The following ITPR2 variants were observed in gnomAD, a reference collection of about 807,000 sequenced individuals.
The protein encoded by ITPR2 is inositol 1,4,5-trisphosphate-gated calcium channel ITPR2.
Under a neutral mutation model 317.1 loss-of-function variants are expected in ITPR2, and 207 were observed. The observed-to-expected ratio is 0.65, with a 90% CI of 0.58 to 0.73. The LOEUF (loss-of-function observed/expected upper bound fraction) is 0.73, where lower values mean the gene tolerates loss of function less well. Among genes scored for constraint, ITPR2 ranks in the 30% least tolerant of loss-of-function variants. The pLI, the probability that ITPR2 is intolerant of heterozygous loss-of-function variation, is 0.00. For missense variants in ITPR2, 2,613 were observed against 3,284.0 expected (o/e 0.80, Z 4.99); for synonymous variants, 1,156 against 1,149.1 (o/e 1.01, Z -0.12).
chr12:26,457,851 C>T (rs1941928955), intron 45 of ITPR2, among the ~76,000 whole-genome samples: 1 of 152,130 alleles, frequency 6.6e-6, no homozygotes, highest in Non-Finnish European at 1.5e-5. Flanking sequence ...CCTAAGGGTA[C>T]TTTATGAATA....
In ITPR2 at chr12:26,658,106, C is replaced by G. The variant is rs370474833; in HGVS notation, c.1911G>C (p.Leu637=). 6.3e-7 allele frequency: 1 copy of G among 1,580,578 alleles called. No individual in the cohort carries two copies. The highest frequency in any genetic ancestry group is 8.6e-7 in the Non-Finnish European group (1 of 1,166,198). ...GGATAGCAGTGGTATTAGACACACA[C>G]AGATCTGACAAATAATCCAAAAACC... ...EPRFLDYLSD[L]CVSNTTAIPV... The change falls in exon 17 of 57, where the codon CTG becomes CTC. Residue 637 remains leucine (L), a synonymous_variant. Coordinates refer to ENST00000381340, the MANE Select transcript of ITPR2 (RefSeq NM_002223.4).
rs553762332 is a variant in ITPR2, at chr12:26,729,401, C to A, written c.164-3636G>T. Among the ~76,000 whole-genome samples, 93 of 152,136 alleles carry A rather than the reference C, an allele frequency of 6.1e-4. 3 individuals are homozygous for A. In the South Asian group the frequency reaches 0.019, roughly 31 times the overall value. On this transcript the variant is annotated intron_variant, in intron 2 of 56. Transcript: ENST00000381340. ...GTCCAGTCATTGTGGAAGACAATTT[C>A]TCAAAGGCCAAAAGACAGAAATACC...
rs565213279 is a variant in ITPR2 at position 26,710,974 on chromosome 12, G to A, written c.951+199C>T. ...CTGCAGAGTTTTTGTTGTTATTATC[G>A]TTGTTGTCTTAATTTGTAATACTTT... On this transcript the variant is annotated intron_variant, in intron 9 of 56. Coordinates refer to ENST00000381340, the MANE Select transcript of ITPR2 (RefSeq NM_002223.4). Among the ~76,000 whole-genome samples, 7 of 152,208 alleles carry A rather than the reference G, an allele frequency of 4.6e-5. No individual in the cohort carries two copies. The South Asian group carries it at 6.2e-4, about 14-fold the overall frequency.
At chr12:26,531,185 C>A (rs1943933647) in intron 37 of ITPR2, among the ~76,000 whole-genome samples, 1 of 152,154 alleles carries the variant, frequency 6.6e-6, no homozygotes, top group Admixed American at 6.6e-5. Context: ...TCCTAATGCA[C>A]CTCACTGTAT....
intron 1 of ITPR2, among the ~76,000 whole-genome samples, chr12:26,827,883 G>A (rs1951032680): frequency 6.6e-6 from 1 of 152,284 alleles, no homozygotes; most frequent in South Asian, 2.1e-4. Flanking sequence ...TATATACAGT[G>A]TCAATGTCTC....
intron 26 of ITPR2, among the ~76,000 whole-genome samples, chr12:26,605,113 A>C (rs1237140481): frequency 1.1e-5 from 1 of 93,598 alleles, no homozygotes; most frequent in African/African-American, 3.5e-5. Flanking sequence ...AAAAATAAAA[A>C]ATAAAAAATA....
At chr12:26,679,240 G>A (rs1281486635) in intron 13 of ITPR2, among the ~76,000 whole-genome samples, 2 of 152,104 alleles carry the variant, frequency 1.3e-5, no homozygotes, top group African/African-American at 2.4e-5. Context: ...AAGTTTGCCA[G>A]GGAAAAAAAT....
intron 45 of ITPR2, among the ~76,000 whole-genome samples, chr12:26,456,834 G>A (rs946755180): frequency 8.5e-5 from 13 of 152,070 alleles, no homozygotes; most frequent in Non-Finnish European, 1.0e-4. Flanking sequence ...CATCACGCCC[G>A]GCTAATTTTT....
At chr12:26,589,267 A>T (rs1011656704) in intron 32 of ITPR2, among the ~76,000 whole-genome samples, 1 of 152,180 alleles carries the variant, frequency 6.6e-6, no homozygotes, top group Non-Finnish European at 1.5e-5. Flanking sequence ...TATTAAAAAT[A>T]ATCTTTTGGG....
At chr12:26,653,850 G>C in intron 21 of ITPR2, 126 bp downstream of exon 21, 1 of 680,114 alleles carries the variant, frequency 1.5e-6, no homozygotes, top group Non-Finnish European at 2.5e-6. Flanking sequence ...CCCTGTCATA[G>C]GAATTGTGTT....
At chr12:26,422,309 ATACT>A (rs1940925103) in intron 49 of ITPR2, among the ~76,000 whole-genome samples, 1 of 148,646 alleles carries the variant, frequency 6.7e-6, no homozygotes, top group South Asian at 2.1e-4. Context: ...AATAATAATA[ATACT>A]TTATTGAATA....
At chr12:26,707,334 T>A (rs1948569840) in intron 9 of ITPR2, among the ~76,000 whole-genome samples, 1 of 152,164 alleles carries the variant, frequency 6.6e-6, no homozygotes, top group African/African-American at 2.4e-5. Flanking sequence ...TGTGTCTTTT[T>A]AAAAATAATA....
intron 21 of ITPR2, among the ~76,000 whole-genome samples, chr12:26,651,952 T>C (rs1947265859): frequency 6.6e-6 from 1 of 152,224 alleles, no homozygotes; most frequent in South Asian, 2.1e-4. Flanking sequence ...TTCCCTTACC[T>C]GCAACCTTGT....
At chr12:26,614,353 C>G (rs547997653) in intron 26 of ITPR2, among the ~76,000 whole-genome samples, 15 of 152,028 alleles carry the variant, frequency 9.9e-5, no homozygotes, top group Non-Finnish European at 8.8e-5. Flanking sequence ...AAACCCAAAA[C>G]TCCTGCCTTA....
intron 37 of ITPR2, among the ~76,000 whole-genome samples, chr12:26,511,480 T>C (rs1410812917): frequency 6.6e-6 from 1 of 152,242 alleles, no homozygotes; most frequent in Non-Finnish European, 1.5e-5. Flanking sequence ...GTAGAGTGAT[T>C]GTTCATCAGT....
intron 32 of ITPR2, among the ~76,000 whole-genome samples, chr12:26,594,955 C>T (rs562648229): frequency 2.0e-5 from 3 of 152,258 alleles, no homozygotes; most frequent in Admixed American, 6.5e-5. Flanking sequence ...TTGGTGGACA[C>T]GAGTGAAAAT....
At chr12:26,535,408 T>C (rs531566980) in intron 37 of ITPR2, among the ~76,000 whole-genome samples, 4 of 152,338 alleles carry the variant, frequency 2.6e-5, no homozygotes, top group Admixed American at 1.3e-4. Context: ...TAGACAGTGT[T>C]GTTATGTTCC....
chr12:26,679,721 T>G (rs1183767564), intron 13 of ITPR2, among the ~76,000 whole-genome samples: 3 of 152,242 alleles, frequency 2.0e-5, no homozygotes, highest in African/African-American at 7.2e-5. Context: ...AAAACTGTAT[T>G]TTTGCTTTTC....
At chr12:26,748,372 T>C (rs567724390) in intron 2 of ITPR2, among the ~76,000 whole-genome samples, 1 of 152,264 alleles carries the variant, frequency 6.6e-6, no homozygotes, top group East Asian at 1.9e-4. Flanking sequence ...GCTTTCCTAA[T>C]TAATTTTATT....
Sources: gnomAD v4.1 joint callset for allele counts (sites outside exome capture counted in the v4.1 genomes callset) on GRCh38, gnomAD v4.1.1 for gene constraint, MANE v1.5 for transcripts, NCBI Gene and HGNC (gene_info 2026-07-23, HGNC 2026-07-21) for gene names.